ZYG11A: variants seen among roughly 807,000 people sequenced by gnomAD.
The protein encoded by ZYG11A is zyg-11 family member A, cell cycle regulator, also known as protein zyg-11 homolog A.
ZYG11A carries 62 observed loss-of-function variants against 77.2 expected under a neutral mutation model. That is an observed-to-expected ratio of 0.80 (90% CI 0.65 to 0.99). The LOEUF (loss-of-function observed/expected upper bound fraction) is 0.99, where lower values mean the gene tolerates loss of function less well. Among genes scored for constraint, ZYG11A ranks in the 50% least tolerant of loss-of-function variants. The probability of loss-of-function intolerance (pLI) is 0.00; values close to 1 mark genes in which losing one functional copy is unlikely to be tolerated. For synonymous variants in ZYG11A, 315 were observed against 324.6 expected (o/e 0.97, Z 0.32); for missense variants, 828 against 896.8 (o/e 0.92, Z 0.98).
chr1:52,879,109 A>G (rs954025632), intron 10 of ZYG11A, among the ~76,000 whole-genome samples: 14 of 152,126 alleles, frequency 9.2e-5, no homozygotes, highest in South Asian at 6.2e-4. Context: ...CTGACTCTCA[A>G]TCAAGGTATT....
Position 52,867,993 on chromosome 1 carries a change from G to A in ZYG11A, c.1542+216G>A, listed in dbSNP as rs1391983672. 4.3e-5 allele frequency among the ~76,000 whole-genome samples: 5 copies of A among 116,764 alleles called. No individual in the cohort carries two copies. In the East Asian group the frequency reaches 1.6e-3, roughly 38 times the overall value. 76.6% of individuals were successfully genotyped at this position (116,764 alleles called of 152,430 possible). ...TTTTTTTTTTTTTTTTTGAGACAGA[G>A]TCTCACTCTGTCGCCCAGGCTGGAG... On this transcript the variant is annotated intron_variant, in intron 8 of 13. Coordinates refer to ENST00000371528, the MANE Select transcript of ZYG11A (RefSeq NM_001004339.3).
chr1:52,885,914 C>T lies in ZYG11A; in HGVS notation c.2006+20C>T. ...CTATAGGTAATTTCATGGTGTTGTG[C>T]TTTTCTTCTTTTTTTTTTCTTCTTT... On this transcript the variant is annotated intron_variant, in intron 12 of 13. Coordinates refer to ENST00000371528, the MANE Select transcript of ZYG11A (RefSeq NM_001004339.3). 1 of 1,498,004 alleles carries T rather than the reference C, an allele frequency of 6.7e-7. No homozygotes were observed. The highest frequency in any genetic ancestry group is 1.3e-5 in the South Asian group (1 of 76,796). 92.8% of individuals were successfully genotyped at this position (1,498,004 alleles called of 1,614,324 possible).
rs1646439709 is a variant in ZYG11A at position 52,885,809 on chromosome 1, TTC to T, written c.1945-16_1945-15del. 27 of 1,502,384 alleles carry T rather than the reference TTC, an allele frequency of 1.8e-5. No individual in the cohort carries two copies. The East Asian group carries it at 6.4e-4, about 36-fold the overall frequency. The allele number at this position is 1,502,384 out of a possible 1,614,324, so 93.1% of individuals were successfully genotyped here. ...AATGATGGATTATTCAAATGTTGGT[TTC>T]TCTCTCTTGTTTTTGGAGTAGCATG... On this transcript the variant is annotated intron_variant, in intron 11 of 13. Transcript: ENST00000371528.
chr1:52,843,688 CTTTTT>C (rs71044427), intron 1 of ZYG11A, among the ~76,000 whole-genome samples: 5 of 130,516 alleles, frequency 3.8e-5, no homozygotes, highest in African/African-American at 8.9e-5. Flanking sequence ...TTCTTTCTTT[CTTTTT>C]TTTTTTTTTT....
intron 13 of ZYG11A, among the ~76,000 whole-genome samples, chr1:52,892,519 ACT>A (rs961638097): frequency 1.3e-5 from 2 of 151,164 alleles, no homozygotes; most frequent in African/African-American, 4.9e-5. Flanking sequence ...CAAGAGCAAA[ACT>A]CTGTCTCAAA....
Position 52,864,001 on chromosome 1 carries a change from G to A in ZYG11A, c.1170G>A (p.Arg390=). 6.4e-7 allele frequency: 1 copy of A among 1,551,208 alleles called. No individual in the cohort carries two copies. Among genetic ancestry groups the A allele is most frequent in the Admixed American group, 2.0e-5 (1 of 50,866 alleles). ...AILKLVAIGM[R]NHPLDLRVQF... is the part of the protein sequence containing the mutation. ...TTCAGCTTGTGGCTATAGGAATGAG[G>A]AATCACCCATTGGATTTGCGAGTGC... The change falls in exon 5 of 14, where the codon AGG becomes AGA. Residue 390 remains arginine, a synonymous_variant. Coordinates refer to ENST00000371528, the MANE Select transcript of ZYG11A (RefSeq NM_001004339.3).
intron 13 of ZYG11A, among the ~76,000 whole-genome samples, chr1:52,892,399 ATG>A (rs1436105160): frequency 7.9e-5 from 12 of 151,232 alleles, no homozygotes; most frequent in Non-Finnish European, 1.8e-4. Context: ...GTGGTGGGGC[ATG>A]CCTGTAATCC....
chr1:52,854,323 G>A lies in ZYG11A; in HGVS notation c.91-142G>A, dbSNP rs143923108. The A allele has an allele frequency of 4.5e-5, 33 of 735,776 alleles. No homozygotes were observed. In the East Asian group the frequency reaches 6.6e-4, roughly 15 times the overall value. The allele number at this position is 735,776 out of a possible 1,614,324, so 45.6% of individuals were successfully genotyped here. A position where few individuals can be genotyped will look rare whatever the true frequency, so the allele number is the denominator to read the frequency against. On this transcript the variant is annotated intron_variant, in intron 1 of 13. Transcript: ENST00000371528. Reference sequence around the variant, plus strand: ...TTAACAGTAGGAATGAGGTGGTTTCGTTACATATAAATCATTACTAGAGTA... The same window carrying A: ...TTAACAGTAGGAATGAGGTGGTTTCATTACATATAAATCATTACTAGAGTA...
At chr1:52,870,644 C>T (rs908499596) in intron 8 of ZYG11A, among the ~76,000 whole-genome samples, 6 of 152,230 alleles carry the variant, frequency 3.9e-5, no homozygotes, top group Non-Finnish European at 7.3e-5. Context: ...GGATCACTCG[C>T]GGTTAGGAGC....
At chr1:52,864,237 G>A (rs1645981743) in intron 5 of ZYG11A, 80 bp downstream of exon 5, 7 of 1,374,824 alleles carry the variant, frequency 5.1e-6, no homozygotes, top group South Asian at 1.4e-5. Flanking sequence ...CCAGAGTGCC[G>A]TGGCACAATT....
At chr1:52,848,613 G>C (rs1349422611) in intron 1 of ZYG11A, among the ~76,000 whole-genome samples, 1 of 152,128 alleles carries the variant, frequency 6.6e-6, no homozygotes, top group African/African-American at 2.4e-5. Context: ...TGTATTTTTA[G>C]TAGAGACGGG....
chr1:52,868,409 A>G (rs946652554), intron 8 of ZYG11A, among the ~76,000 whole-genome samples: 2 of 152,198 alleles, frequency 1.3e-5, no homozygotes, highest in South Asian at 2.1e-4. Flanking sequence ...CTGGTCCCCA[A>G]CAAATTTATA....
chr1:52,855,652 A>G (rs1028092415), intron 2 of ZYG11A, among the ~76,000 whole-genome samples: 1 of 152,236 alleles, frequency 6.6e-6, no homozygotes, highest in African/African-American at 2.4e-5. Context: ...TTTAATATAA[A>G]TTAAATCATC....
intron 4 of ZYG11A, among the ~76,000 whole-genome samples, chr1:52,861,707 A>G (rs1003972454): frequency 4.0e-5 from 6 of 149,370 alleles, no homozygotes; most frequent in African/African-American, 1.5e-4. Context: ...AAAAAAAAAT[A>G]TTTTTACAGC....
At chr1:52,874,299 A>C (rs1321302838) in intron 8 of ZYG11A, among the ~76,000 whole-genome samples, 1 of 152,038 alleles carries the variant, frequency 6.6e-6, no homozygotes, top group Admixed American at 6.6e-5. Flanking sequence ...GCTGGAGTGC[A>C]GTGGTGGGGA....
Position 52,854,706 on chromosome 1 carries a change from A to G in ZYG11A, c.256+76A>G, listed in dbSNP as rs902463808. On this transcript the variant is annotated intron_variant, in intron 2 of 13. Transcript: ENST00000371528. The stretch of plus-strand genomic sequence containing the variant: ...AAAAGCACTTTTACACACAATTTCT[A>G]TTGTGATTCTCACAAAGTATTTCCA... 7.7e-6 allele frequency: 10 copies of G among 1,302,846 alleles called. No individual in the cohort carries two copies. The East Asian group carries it at 2.7e-4, about 35-fold the overall frequency. The allele number at this position is 1,302,846 out of a possible 1,614,324, so 80.7% of individuals were successfully genotyped here.
At chr1:52,886,164 C>T (rs549653964) in intron 12 of ZYG11A, among the ~76,000 whole-genome samples, 2 of 152,254 alleles carry the variant, frequency 1.3e-5, no homozygotes, top group Non-Finnish European at 2.9e-5. Flanking sequence ...GATCTCCTGA[C>T]CTCGTGATCT....
At chr1:52,883,610 AGTG>A (rs1646397717) in intron 11 of ZYG11A, among the ~76,000 whole-genome samples, 1 of 150,738 alleles carries the variant, frequency 6.6e-6, no homozygotes, top group African/African-American at 2.4e-5. Flanking sequence ...TACTTTTAGT[AGTG>A]ACAGGGTTTC....
chr1:52,884,594 C>T (rs1646415936), intron 11 of ZYG11A, among the ~76,000 whole-genome samples: 1 of 151,788 alleles, frequency 6.6e-6, no homozygotes, highest in Non-Finnish European at 1.5e-5. Flanking sequence ...GCAGAGGTTA[C>T]AGTGAGCCGA....
Sources: allele counts gnomAD v4.1 joint callset (sites outside exome capture counted in the v4.1 genomes callset), GRCh38; gene constraint gnomAD v4.1.1; transcripts MANE v1.5; gene names NCBI Gene and HGNC (gene_info 2026-07-23, HGNC 2026-07-21).